DACH2: variants seen among roughly 807,000 people sequenced by gnomAD.
DACH2 encodes dachshund homolog 2.
DACH2 carries 17 observed loss-of-function variants against 35.8 expected under a neutral mutation model. The observed-to-expected ratio is 0.48, with a 90% confidence interval of 0.33 to 0.71. The LOEUF (loss-of-function observed/expected upper bound fraction) is 0.71. DACH2 is among the 30% of genes least tolerant of loss of function. The probability of loss-of-function intolerance (pLI) is 0.02; values close to 1 mark genes in which losing one functional copy is unlikely to be tolerated. For synonymous variants in DACH2, 195 were observed against 177.3 expected (o/e 1.10, Z -0.79); for missense variants, 469 against 472.7 (o/e 0.99, Z 0.07).
At chrX:86,580,242 C>G (rs2039485750) in intron 3 of DACH2, among the ~76,000 whole-genome samples, 1 of 111,804 alleles carries the variant, frequency 8.9e-6, no homozygotes, top group African/African-American at 3.3e-5. Flanking sequence ...CAAAGGATAG[C>G]AACTTCAAAC....
chrX:86,709,126 A>G (rs1312823277), intron 5 of DACH2, among the ~76,000 whole-genome samples: 1 of 111,608 alleles, frequency 9.0e-6, no homozygotes, highest in African/African-American at 3.3e-5. Flanking sequence ...AATGTAGTGG[A>G]CTGACACTAC....
At chrX:86,731,990 T>C (rs779691051) in intron 6 of DACH2, among the ~76,000 whole-genome samples, 6 of 112,352 alleles carry the variant, frequency 5.3e-5, no homozygotes, top group Admixed American at 1.9e-4. Flanking sequence ...TAAATAAAAA[T>C]ATAAAATTCA....
chrX:86,249,853 A>G (rs1465722686), intron 1 of DACH2, among the ~76,000 whole-genome samples: 1 of 111,992 alleles, frequency 8.9e-6, no homozygotes, highest in Non-Finnish European at 1.9e-5. Flanking sequence ...CATATACACC[A>G]TGGATTACTA....
intron 7 of DACH2, among the ~76,000 whole-genome samples, chrX:86,780,058 A>G (rs1185293309): frequency 2.7e-5 from 3 of 109,956 alleles, no homozygotes; most frequent in Non-Finnish European, 5.7e-5. Flanking sequence ...CACAGCCCAG[A>G]AGTGATTAAG....
At chrX:86,745,403 C>A (rs751920430) in intron 7 of DACH2, among the ~76,000 whole-genome samples, 291 of 110,826 alleles carry the variant, frequency 2.6e-3, no homozygotes, top group African/African-American at 9.2e-3. Context: ...TTTTTGAATC[C>A]TCTCCCTCTT....
chrX:86,776,528 A>G (rs1250227855), intron 7 of DACH2, among the ~76,000 whole-genome samples: 1 of 112,083 alleles, frequency 8.9e-6, no homozygotes, highest in Non-Finnish European at 1.9e-5. Context: ...GAACAAGTAC[A>G]CTTTTTAGAC....
intron 2 of DACH2, among the ~76,000 whole-genome samples, chrX:86,491,415 T>G (rs2038091308): frequency 8.9e-6 from 1 of 112,226 alleles, no homozygotes; most frequent in Non-Finnish European, 1.9e-5. Context: ...AAATGTTTGC[T>G]TCTATATGAA....
intron 1 of DACH2, among the ~76,000 whole-genome samples, chrX:86,222,238 A>G (rs2032728494): frequency 8.9e-6 from 1 of 112,286 alleles, no homozygotes; most frequent in Admixed American, 9.5e-5. Flanking sequence ...GGAATCTCTC[A>G]ATCCACTCAA....
At chrX:86,593,766 C>T (rs993766766) in intron 3 of DACH2, among the ~76,000 whole-genome samples, 1 of 110,913 alleles carries the variant, frequency 9.0e-6, no homozygotes, top group East Asian at 2.8e-4. Flanking sequence ...TTTTTGAGAA[C>T]ATTTTCATCT....
Position 86,296,417 on chromosome X carries a change from T to C in DACH2, c.489-80407T>C, listed in dbSNP as rs765205814. On this transcript the variant is annotated intron_variant, in intron 1 of 11. Coordinates refer to ENST00000373125, the MANE Select transcript of DACH2 (RefSeq NM_053281.3). Reference sequence around the variant, plus strand: ...AAAAAAAAAAAAAAAAAAAGAAATATCTTAAGTTAGTTCATGACATATTTG... The same window carrying C: ...AAAAAAAAAAAAAAAAAAAGAAATACCTTAAGTTAGTTCATGACATATTTG... 2.9e-5 allele frequency among the ~76,000 whole-genome samples: 3 copies of C among 103,397 alleles called. No individual in the cohort carries two copies. In the East Asian group the frequency reaches 9.4e-4, roughly 32 times the overall value. The allele number at this position is 103,397 out of a possible 115,157, so 89.8% of individuals were successfully genotyped here.
chrX:86,742,251 A>G (rs1476139542), intron 7 of DACH2, among the ~76,000 whole-genome samples: 1 of 110,813 alleles, frequency 9.0e-6, no homozygotes, highest in Non-Finnish European at 1.9e-5. Context: ...GGGCTACATA[A>G]TGTTTGAATA....
intron 2 of DACH2, among the ~76,000 whole-genome samples, chrX:86,451,710 G>A (rs766182679): frequency 2.0e-4 from 22 of 111,238 alleles, no homozygotes; most frequent in Non-Finnish European, 3.8e-4. Context: ...TTTTCCATTT[G>A]TTTGTGTCAT....
chrX:86,815,464 A>C (rs1207608043), intron 10 of DACH2, among the ~76,000 whole-genome samples: 1 of 109,693 alleles, frequency 9.1e-6, no homozygotes, highest in African/African-American at 3.3e-5. Context: ...TTTTACATCA[A>C]AATTACTAGC....
intron 3 of DACH2, among the ~76,000 whole-genome samples, chrX:86,636,584 A>G (rs1325343391): frequency 1.8e-5 from 2 of 111,831 alleles, no homozygotes; most frequent in Admixed American, 9.5e-5. Context: ...ATCTTTGACA[A>G]CACTGACAAA....
chrX:86,655,973 A>G (rs2040533908), intron 4 of DACH2, among the ~76,000 whole-genome samples: 1 of 109,809 alleles, frequency 9.1e-6, no homozygotes, highest in Non-Finnish European at 1.9e-5. Flanking sequence ...GTGCCTCCAG[A>G]CCAAGGAGTA....
intron 3 of DACH2, among the ~76,000 whole-genome samples, chrX:86,593,613 G>A (rs2148351698): frequency 9.2e-6 from 1 of 108,403 alleles, no homozygotes; most frequent in East Asian, 2.9e-4. Context: ...TTTTTGTAGA[G>A]ATGGGGTTTC....
chrX:86,491,229 G>A (rs943443374), intron 2 of DACH2, among the ~76,000 whole-genome samples: 1 of 111,409 alleles, frequency 9.0e-6, no homozygotes, highest in Non-Finnish European at 1.9e-5. Flanking sequence ...ATGCTTTTAC[G>A]CCAGATATTT....
At chrX:86,777,137 G>A (rs1032491574) in intron 7 of DACH2, among the ~76,000 whole-genome samples, 21 of 111,266 alleles carry the variant, frequency 1.9e-4, no homozygotes, top group African/African-American at 6.9e-4. Context: ...GGTATTTCTA[G>A]TTCTACATCC....
At chrX:86,656,970 G>A (rs959777531) in intron 4 of DACH2, among the ~76,000 whole-genome samples, 2 of 102,656 alleles carry the variant, frequency 1.9e-5, no homozygotes, top group Non-Finnish European at 2.0e-5. Flanking sequence ...AGGTTAATAC[G>A]TTAAGTGAAG....
Sources: gnomAD v4.1 joint callset for allele counts (sites outside exome capture counted in the v4.1 genomes callset) on GRCh38, gnomAD v4.1.1 for gene constraint, MANE v1.5 for transcripts, NCBI Gene and HGNC (gene_info 2026-07-23, HGNC 2026-07-21) for gene names.